SERTAD4: variants seen among roughly 807,000 people sequenced by gnomAD.
SERTAD4 encodes SERTA domain-containing protein 4.
A neutral mutation model predicts 32.9 loss-of-function variants in SERTAD4; 18 were observed. The observed-to-expected ratio is 0.55, with a 90% CI of 0.38 to 0.81. SERTAD4 has a LOEUF of 0.81. Ranked by LOEUF, SERTAD4 falls within the 30% of genes least tolerant of loss-of-function variation. The probability of loss-of-function intolerance (pLI) is 0.00; values close to 1 mark genes in which losing one functional copy is unlikely to be tolerated. For missense variants in SERTAD4, 383 were observed against 426.0 expected (o/e 0.90, Z 0.89); for synonymous variants, 150 against 156.4 (o/e 0.96, Z 0.30).
chr1:210,233,894 G>A (rs1408955096), intron 1 of SERTAD4: 6 of 453,592 alleles, frequency 1.3e-5, no homozygotes, highest in South Asian at 8.1e-5. Context: ...GCGGGGGCCC[G>A]GGCCAGCCCC....
intron 1 of SERTAD4, among the ~76,000 whole-genome samples, chr1:210,233,307 C>T (rs2147842157): frequency 6.6e-6 from 1 of 152,154 alleles, no homozygotes; most frequent in African/African-American, 2.4e-5. Flanking sequence ...TCTAGGGCTG[C>T]TCGGGCTGCC....
intron 1 of SERTAD4, among the ~76,000 whole-genome samples, 187 bp downstream of exon 1, chr1:210,233,198 G>C (rs1487405887): frequency 6.6e-6 from 1 of 152,080 alleles, no homozygotes; most frequent in Non-Finnish European, 1.5e-5. Flanking sequence ...TCGGGGCGGC[G>C]TGGGGGCCAA....
intron 2 of SERTAD4, 120 bp downstream of exon 2, chr1:210,238,255 A>C: frequency 1.6e-6 from 1 of 639,314 alleles, no homozygotes; most frequent in East Asian, 2.8e-5. Context: ...AGCTCCAGGG[A>C]CTTCCCGGGC....
At chr1:210,238,216 G>T in intron 2 of SERTAD4, 81 bp downstream of exon 2, 1 of 878,846 alleles carries the variant, frequency 1.1e-6, no homozygotes, top group Non-Finnish European at 1.8e-6. Context: ...GGTGGTGTCT[G>T]GGGTGCCCCT....
intron 1 of SERTAD4, chr1:210,233,680 C>T (rs748616547): frequency 1.3e-5 from 6 of 470,498 alleles, no homozygotes; most frequent in African/African-American, 8.0e-5. Context: ...CACGCCTCCG[C>T]CTCTCGCTTC....
chr1:210,233,721 G>C (rs2083909947), intron 1 of SERTAD4: 7 of 471,084 alleles, frequency 1.5e-5, no homozygotes, highest in Middle Eastern at 3.3e-4. Context: ...TTCGGCCCTA[G>C]CAACTTTCCG....
Position 210,242,068 on chromosome 1 carries a change from A to C in SERTAD4, c.802A>C (p.Thr268Pro), listed in dbSNP as rs1192926829. The stretch of plus-strand genomic sequence containing the variant: ...GATACCTGCCAATGAAATCTTTGTC[A>C]CTAATGTCAGATCACTTGGTGTTCA... ...GQIPANEIFV[T>P]NVRSLGVQEK... The change falls in exon 4 of 4, where the codon ACT (threonine) becomes CCT (proline). Residue 268 changes from threonine to proline, a missense_variant. By Grantham distance (38) the Thr-to-Pro change is conservative. Transcript: ENST00000367012. The surrounding 1 kb of genome is among the most constrained non-coding windows in gnomAD (Gnocchi z 4.0). The C allele has an allele frequency of 6.2e-7, 1 of 1,614,154 alleles. No individual in the cohort carries two copies. Among genetic ancestry groups the C allele is most frequent in the Non-Finnish European group, 8.5e-7 (1 of 1,180,032 alleles).
At position 210,243,211 on chromosome 1, in the gene SERTAD4, A is replaced by G. The variant is rs2084017950; in HGVS notation, c.*874A>G. 1.1e-6 allele frequency: 1 copy of G among 882,958 alleles called. No individual in the cohort carries two copies. The highest frequency in any genetic ancestry group is 1.4e-6 in the Non-Finnish European group (1 of 737,774). 54.7% of individuals were successfully genotyped at this position (882,958 alleles called of 1,614,324 possible). On this transcript the variant is annotated 3_prime_UTR_variant, in exon 4 of 4. Coordinates refer to ENST00000367012, the MANE Select transcript of SERTAD4 (RefSeq NM_019605.5). ...TCTCTATTCTTTATTTTTGATGCCCAATTGCTTTTGGATTCGCCGTTTTTT... is the reference window on the plus strand; with the variant it reads ...TCTCTATTCTTTATTTTTGATGCCCGATTGCTTTTGGATTCGCCGTTTTTT...
At chr1:210,239,674 C>T in intron 3 of SERTAD4, 66 bp downstream of exon 3, 1 of 877,440 alleles carries the variant, frequency 1.1e-6, no homozygotes, top group Non-Finnish European at 1.8e-6. Context: ...GTTGCTTGAT[C>T]CACTTCCAGG....
At chr1:210,233,993 TTA>T (rs1491226894) in intron 1 of SERTAD4, 298 of 287,320 alleles carry the variant, frequency 1.0e-3, no homozygotes, top group African/African-American at 7.3e-3. Flanking sequence ...GGTTTTTTTT[TTA>T]AAAAAAAAAA....
Position 210,241,767 on chromosome 1 carries a change from T to C in SERTAD4, c.501T>C (p.Ala167=), listed in dbSNP as rs1255864235. ...CCTCTGCCCAAGAGTGGTTTATGGC[T>C]CAAGACTGCCCTTACCGAAAACGAC... ...NGTSAQEWFM[A]QDCPYRKRPR... The change falls in exon 4 of 4, where the codon GCT becomes GCC. Residue 167 remains alanine, a synonymous_variant. Transcript: ENST00000367012. 1.2e-6 allele frequency: 2 copies of C among 1,614,036 alleles called. No individual in the cohort carries two copies. Among genetic ancestry groups the C allele is most frequent in the African/African-American group, 1.3e-5 (1 of 74,910 alleles).
rs185633009 is a variant in SERTAD4, at chr1:210,245,202, G to A, written c.*2865G>A. 127 of 152,270 alleles carry A rather than the reference G, an allele frequency of 8.3e-4. No individual in the cohort carries two copies. Among genetic ancestry groups the A allele is most frequent in the African/African-American group, 2.7e-3 (113 of 41,538 alleles). 9.4% of individuals were successfully genotyped at this position (152,270 alleles called of 1,614,324 possible). On this transcript the variant is annotated 3_prime_UTR_variant, in exon 4 of 4. Coordinates refer to ENST00000367012, the MANE Select transcript of SERTAD4 (RefSeq NM_019605.5). ...GGAAGCTGCACCTTCTCTCATTGCT[G>A]TGCTCTGCTTTAAGGAAAACCTGAT...
Position 210,242,376 on chromosome 1 carries a change from A to T in SERTAD4, c.*39A>T. 6.6e-7 allele frequency: 1 copy of T among 1,525,004 alleles called. No homozygotes were observed. Among genetic ancestry groups the T allele is most frequent in the Non-Finnish European group, 8.8e-7 (1 of 1,141,012 alleles). The allele number at this position is 1,525,004 out of a possible 1,614,324, so 94.5% of individuals were successfully genotyped here. On this transcript the variant is annotated 3_prime_UTR_variant, in exon 4 of 4. Transcript: ENST00000367012. The surrounding 1 kb of genome is among the most constrained non-coding windows in gnomAD (Gnocchi z 4.0). ...CGAACTTTGAAGCATGCACAGCATG[A>T]TCAGTTAGCTCTCGTAAATTTTATT...
chr1:210,238,588 A>C (rs2083966284), intron 2 of SERTAD4, among the ~76,000 whole-genome samples: 1 of 152,204 alleles, frequency 6.6e-6, no homozygotes, highest in Non-Finnish European at 1.5e-5. Context: ...ATTTATGCCC[A>C]GTGTTCCATT....
intron 1 of SERTAD4, among the ~76,000 whole-genome samples, chr1:210,235,378 A>G (rs1404581675): frequency 6.6e-6 from 1 of 152,196 alleles, no homozygotes; most frequent in African/African-American, 2.4e-5. Flanking sequence ...CATCCAGTGT[A>G]AGTTTTAAAT....
At chr1:210,236,070 G>T (rs1045510475) in intron 1 of SERTAD4, among the ~76,000 whole-genome samples, 1 of 152,188 alleles carries the variant, frequency 6.6e-6, no homozygotes, top group African/African-American at 2.4e-5. Flanking sequence ...GTCTTCCAGG[G>T]AATAAATCAT....
chr1:210,241,501 G>GT, intron 3 of SERTAD4, 57 bp from the exon 4 acceptor site: 1 of 1,483,426 alleles, frequency 6.7e-7, no homozygotes, highest in Non-Finnish European at 9.0e-7. Flanking sequence ...CATTTTCTAA[G>GT]CTTTCTCTCT....
chr1:210,233,640 C>G (rs1483381926), intron 1 of SERTAD4: 1 of 468,574 alleles, frequency 2.1e-6, no homozygotes, highest in Non-Finnish European at 4.4e-6. Flanking sequence ...CTCACCTCCT[C>G]GGCGGGCTGA....
chr1:210,237,888 T>A (rs2083956144), intron 1 of SERTAD4, 56 bp from the exon 2 acceptor site: 7 of 1,446,056 alleles, frequency 4.8e-6, no homozygotes, highest in Non-Finnish European at 5.7e-6. Flanking sequence ...GTCCCTTGGC[T>A]TGCTCTTGAT....
Sources: allele counts gnomAD v4.1 joint callset (sites outside exome capture counted in the v4.1 genomes callset), GRCh38; gene constraint gnomAD v4.1.1; non-coding constraint Gnocchi (gnomAD v3.1); transcripts MANE v1.5; gene names NCBI Gene and HGNC (gene_info 2026-07-23, HGNC 2026-07-21).